Variants in ADCY9 observed in about 807,000 individuals in gnomAD.
ADCY9 encodes adenylate cyclase 9.
A neutral mutation model predicts 101.5 loss-of-function variants in ADCY9; 50 were observed. The ratio of observed to expected loss-of-function variants is 0.49; its 90% CI spans 0.39 to 0.62. The LOEUF (loss-of-function observed/expected upper bound fraction) is 0.62. ADCY9 is among the 20% of genes least tolerant of loss of function. The probability of loss-of-function intolerance (pLI) is 0.00; values close to 1 mark genes in which losing one functional copy is unlikely to be tolerated. For synonymous variants in ADCY9, 905 were observed against 769.3 expected, an observed-to-expected ratio of 1.18 and a Z score of -2.92; for missense variants, 1,662 against 1,800.4, an observed-to-expected ratio of 0.92 and a Z score of 1.39.
chr16:3,998,721 A>G (rs2056306862), intron 3 of ADCY9, among the ~76,000 whole-genome samples: 1 of 142,518 alleles, frequency 7.0e-6, no homozygotes, highest in African/African-American at 2.6e-5. Context: ...AAAAAAAAAA[A>G]AAAAAAAAAA....
In ADCY9 at chr16:3,994,531, C is replaced by A. The variant is rs567431185; in HGVS notation, c.1885-1021G>T. ...AGTACAGTGTCACGATCTTGGCTCA[C>A]TGCAACGTCCACCTCCTGGGTTCAA... On this transcript the variant is annotated intron_variant, in intron 3 of 10. Transcript: ENST00000294016. Among the ~76,000 whole-genome samples, 3 of 152,354 alleles carry A rather than the reference C, an allele frequency of 2.0e-5. No homozygotes were observed. In the South Asian group the frequency reaches 6.2e-4, roughly 32 times the overall value.
Position 4,115,772 on chromosome 16 carries a change from C to A in ADCY9, c.-126G>T, listed in dbSNP as rs1212242669. On this transcript the variant is annotated 5_prime_UTR_variant, in exon 1 of 11. Transcript: ENST00000294016. The surrounding 1 kb of genome is among the most constrained non-coding windows in gnomAD (Gnocchi z 6.2). ...CGCTCGCCTTCCGCGCCTCTCGCCCCGAGGGTGGCCTCCGCGCCGCGCGGC... is the reference window on the plus strand; with the variant it reads ...CGCTCGCCTTCCGCGCCTCTCGCCCAGAGGGTGGCCTCCGCGCCGCGCGGC... 4 of 403,940 alleles carry A rather than the reference C, an allele frequency of 9.9e-6. No individual in the cohort carries two copies. Among genetic ancestry groups the A allele is most frequent in the South Asian group, 1.2e-4 (1 of 8,624 alleles). 25.0% of individuals were successfully genotyped at this position (403,940 alleles called of 1,614,324 possible). A position where few individuals can be genotyped will look rare whatever the true frequency, so the allele number is the denominator to read the frequency against.
chr16:3,986,952 A>C (rs970411498), intron 6 of ADCY9, among the ~76,000 whole-genome samples: 1 of 152,202 alleles, frequency 6.6e-6, no homozygotes, highest in Non-Finnish European at 1.5e-5. Context: ...CATAAAGTCC[A>C]TGGCATGGGA....
intron 2 of ADCY9, among the ~76,000 whole-genome samples, chr16:4,048,949 A>G (rs956895168): frequency 6.6e-6 from 1 of 152,130 alleles, no homozygotes; most frequent in African/African-American, 2.4e-5. Context: ...CAAGCAAATG[A>G]AGGAAAAGCT....
At chr16:3,999,575 C>A (rs551320006) in intron 3 of ADCY9, among the ~76,000 whole-genome samples, 1 of 152,326 alleles carries the variant, frequency 6.6e-6, no homozygotes, top group Admixed American at 6.5e-5. Context: ...TTCTTCCAAG[C>A]AGCACCCTGG....
chr16:4,086,366 C>G (rs1320047254), intron 2 of ADCY9, among the ~76,000 whole-genome samples: 1 of 152,062 alleles, frequency 6.6e-6, no homozygotes, highest in Non-Finnish European at 1.5e-5. Flanking sequence ...GCCCTGAGAT[C>G]GGAGAGCCTA....
chr16:3,968,763 A>G (rs1241566521), intron 10 of ADCY9, among the ~76,000 whole-genome samples: 1 of 152,162 alleles, frequency 6.6e-6, no homozygotes, highest in Admixed American at 6.6e-5. Flanking sequence ...GGAAGTGCTG[A>G]GTCATTTTAA....
In ADCY9 at chr16:4,068,324, C is replaced by CA. The variant is rs544041362; in HGVS notation, c.1693+45425dup. Among the ~76,000 whole-genome samples the CA allele has an allele frequency of 2.3e-3, 315 of 138,972 alleles. 1 individual carries two copies. The highest frequency in any genetic ancestry group is 7.0e-3 in the South Asian group (31 of 4,410). 91.2% of individuals were successfully genotyped at this position (138,972 alleles called of 152,430 possible). ...TCTAATAATAAAATCATATCTGTTGCAAAAAAAAAACAAAGCAAAAAAAAT... is the reference window on the plus strand; with the variant it reads ...TCTAATAATAAAATCATATCTGTTGCAAAAAAAAAAACAAAGCAAAAAAAAT... On this transcript the variant is annotated intron_variant, in intron 2 of 10. Coordinates refer to ENST00000294016, the MANE Select transcript of ADCY9 (RefSeq NM_001116.4).
chr16:4,059,379 G>GAAAAAAAAAAA (rs1555441793), intron 2 of ADCY9, among the ~76,000 whole-genome samples: 2 of 118,484 alleles, frequency 1.7e-5, no homozygotes, highest in Admixed American at 9.5e-5. Context: ...AGAATCCATC[G>GAAAAAAAAAAA]AAAAAAAAAA....
At chr16:4,071,332 C>CAAAAAAAAAAAAAAAAAAAAAAA (rs530420293) in intron 2 of ADCY9, among the ~76,000 whole-genome samples, 5 of 70,524 alleles carry the variant, frequency 7.1e-5, no homozygotes, top group Admixed American at 2.1e-4. Context: ...ACTCAGTCTC[C>CAAAAAAAAAAAAAAAAAAAAAAA]AAAAAAAAAA....
chr16:4,053,150 C>G (rs928138148), intron 2 of ADCY9, among the ~76,000 whole-genome samples: 1 of 152,220 alleles, frequency 6.6e-6, no homozygotes, highest in Non-Finnish European at 1.5e-5. Flanking sequence ...ATTCAATGGG[C>G]ATGCGCTTCC....
intron 3 of ADCY9, among the ~76,000 whole-genome samples, chr16:3,998,602 G>A (rs2056305596): frequency 6.7e-6 from 1 of 150,364 alleles, no homozygotes; most frequent in Admixed American, 6.6e-5. Context: ...TCAGCTACTA[G>A]GGAGGCTGAG....
chr16:3,960,000 T>C (rs555168343), downstream of ADCY9, among the ~76,000 whole-genome samples: 412 of 152,224 alleles, frequency 2.7e-3, 1 homozygote, highest in Middle Eastern at 0.017. Context: ...CACTCTAGCC[T>C]GGGCAACAGA....
intron 8 of ADCY9, among the ~76,000 whole-genome samples, chr16:3,978,589 C>T (rs2056112958): frequency 6.6e-6 from 1 of 152,356 alleles, no homozygotes; most frequent in Middle Eastern, 3.4e-3. Flanking sequence ...CTCGTGCCCA[C>T]CGGGGACTCC....
intron 6 of ADCY9, among the ~76,000 whole-genome samples, chr16:3,988,664 CCAGGGCAGGTTGGGGGTTTCCTTT>C: frequency 9.5e-6 from 1 of 105,392 alleles, no homozygotes; most frequent in African/African-American, 3.9e-5. Context: ...GGGTTTCCTT[CCAGGGCAGGTTGGGGGTTTCCTTT>C]CAGGACAGGT....
intron 3 of ADCY9, among the ~76,000 whole-genome samples, chr16:3,997,824 T>C (rs1474247333): frequency 1.3e-5 from 2 of 152,218 alleles, no homozygotes; most frequent in Non-Finnish European, 2.9e-5. Context: ...CTGGGCGCAG[T>C]GGCTCATCCC....
intron 10 of ADCY9, among the ~76,000 whole-genome samples, chr16:3,968,369 T>C (rs1478298225): frequency 1.4e-4 from 21 of 151,708 alleles, no homozygotes; most frequent in Admixed American, 1.4e-3. Context: ...CGACCTCAGG[T>C]GATCCGCCCA....
chr16:4,026,153 G>C (rs142170138), intron 2 of ADCY9, among the ~76,000 whole-genome samples: 1 of 152,106 alleles, frequency 6.6e-6, no homozygotes, highest in African/African-American at 2.4e-5. Context: ...GGCTGGGCGC[G>C]GTGGATCACG....
chr16:4,074,470 G>T (rs540923373), intron 2 of ADCY9, among the ~76,000 whole-genome samples: 2 of 151,624 alleles, frequency 1.3e-5, no homozygotes, highest in Non-Finnish European at 2.9e-5. Flanking sequence ...AGAGGTGGGA[G>T]GAGCACTTGA....
Sources: gnomAD v4.1 joint callset for allele counts (sites outside exome capture counted in the v4.1 genomes callset) on GRCh38, gnomAD v4.1.1 for gene constraint, Gnocchi (gnomAD v3.1) non-coding constraint, MANE v1.5 for transcripts, NCBI Gene and HGNC (gene_info 2026-07-23, HGNC 2026-07-21) for gene names.